OPRM1: variants seen among roughly 807,000 people sequenced by gnomAD.
OPRM1 encodes mu-type opioid receptor.
A neutral mutation model predicts 31.8 loss-of-function variants in OPRM1; 27 were observed. The ratio of observed to expected loss-of-function variants is 0.85; its 90% CI spans 0.63 to 1.17. The LOEUF is 1.17. OPRM1 is among the 50% of genes most tolerant of loss of function. The pLI is 0.00. For synonymous variants in OPRM1, 196 were observed against 189.9 expected (o/e 1.03, Z -0.26); for missense variants, 536 against 511.1 (o/e 1.05, Z -0.47).
chr6:154,090,219 C>A, intron 2 of OPRM1, 41 bp downstream of exon 2: 1 of 1,341,732 alleles, frequency 7.5e-7, no homozygotes, highest in Non-Finnish European at 1.1e-6. Flanking sequence ...GGGTTCACAG[C>A]CTGATATGTT....
chr6:154,188,277 G>A (rs1003546999), intron 3 of OPRM1, among the ~76,000 whole-genome samples: 2 of 152,084 alleles, frequency 1.3e-5, no homozygotes, highest in African/African-American at 2.4e-5. Flanking sequence ...GAAATATATA[G>A]AACTAAATCT....
intron 1 of OPRM1, among the ~76,000 whole-genome samples, chr6:154,055,967 A>G (rs565801256): frequency 6.6e-6 from 1 of 152,346 alleles, no homozygotes; most frequent in East Asian, 1.9e-4. Context: ...GAAATAACTT[A>G]TAACAATGGC....
chr6:154,078,536 A>G (rs992600980), intron 1 of OPRM1, among the ~76,000 whole-genome samples: 1 of 152,206 alleles, frequency 6.6e-6, no homozygotes, highest in Non-Finnish European at 1.5e-5. Context: ...AAAAAGGAAA[A>G]TGTTTTTAAT....
downstream of OPRM1, among the ~76,000 whole-genome samples, chr6:154,135,259 C>T (rs113718283): frequency 1.6e-4 from 25 of 152,102 alleles, no homozygotes; most frequent in Admixed American, 6.5e-4. Flanking sequence ...ACCTGAGGTC[C>T]GGAGTTCAAG....
chr6:154,052,961 G>C (rs934760002), intron 1 of OPRM1, among the ~76,000 whole-genome samples: 1 of 152,144 alleles, frequency 6.6e-6, no homozygotes, highest in Non-Finnish European at 1.5e-5. Context: ...AGAGCATATT[G>C]CTCTTCTGGA....
chr6:154,236,650 G>T lies in OPRM1; in HGVS notation c.1165-10043G>T, dbSNP rs75388870. Among the ~76,000 whole-genome samples, 767 of 152,310 alleles carry T rather than the reference G, an allele frequency of 5.0e-3. 11 individuals are homozygous for T. The highest frequency in any genetic ancestry group is 0.018 in the African/African-American group (731 of 41,564). On this transcript the variant is annotated intron_variant, in intron 3 of 3. Transcript: ENST00000337049. ...CCAAGGTAAGTTTTACAAGATTCAAGGTGTGAAAATATCAGTGGCTGACCT... is the reference window on the plus strand; with the variant it reads ...CCAAGGTAAGTTTTACAAGATTCAATGTGTGAAAATATCAGTGGCTGACCT...
At chr6:154,230,890 A>G (rs1009234722) in intron 3 of OPRM1, among the ~76,000 whole-genome samples, 2 of 152,206 alleles carry the variant, frequency 1.3e-5, no homozygotes, top group African/African-American at 4.8e-5. Flanking sequence ...AACAGCTAAA[A>G]AAATTTCTTT....
At chr6:154,167,919 C>T in intron 3 of OPRM1, 6 of 1,580,948 alleles carry the variant, frequency 3.8e-6, no homozygotes, top group Non-Finnish European at 4.3e-6. Context: ...AATTTTGTTA[C>T]CTTTAATGTG....
intron 3 of OPRM1, chr6:154,223,098 T>C (rs1186647867): frequency 8.5e-7 from 1 of 1,179,656 alleles, no homozygotes; most frequent in East Asian, 2.3e-5. Context: ...TAAATCACCA[T>C]ATCCCTTGGT....
chr6:154,053,505 T>A (rs1023439390), intron 1 of OPRM1, among the ~76,000 whole-genome samples: 1 of 152,272 alleles, frequency 6.6e-6, no homozygotes, highest in Non-Finnish European at 1.5e-5. Context: ...TGGAAAATGC[T>A]ATTACTTATT....
chr6:154,198,700 G>A (rs1776830398), intron 3 of OPRM1, among the ~76,000 whole-genome samples: 1 of 150,516 alleles, frequency 6.6e-6, no homozygotes, highest in Non-Finnish European at 1.5e-5. Flanking sequence ...GGCAAATTAC[G>A]CTGATACCAA....
rs548714699 is a variant in OPRM1 at position 154,110,874 on chromosome 6, G to A, written c.1165-7809G>A. 2.7e-4 allele frequency among the ~76,000 whole-genome samples: 29 copies of A among 105,870 alleles called. No individual in the cohort carries two copies. The Admixed American group carries it at 2.8e-3, about 10-fold the overall frequency. The allele number at this position is 105,870 out of a possible 152,430, so 69.5% of individuals were successfully genotyped here. ...TGCACTCCAGCCTGGGCGACAAAGC[G>A]AGACTCCGTCTCAAAAAAAAAAAAA... On this transcript the variant is annotated intron_variant, in intron 3 of 3. Transcript: ENST00000330432.
At chr6:154,091,977 A>G (rs1459597435) in intron 3 of OPRM1, 2 of 982,222 alleles carry the variant, frequency 2.0e-6, no homozygotes, top group Non-Finnish European at 2.4e-6. Flanking sequence ...GAAAAGATTA[A>G]AAAATGACCA....
At chr6:154,095,820 G>A (rs1793277228) in intron 3 of OPRM1, among the ~76,000 whole-genome samples, 1 of 152,094 alleles carries the variant, frequency 6.6e-6, no homozygotes, top group Non-Finnish European at 1.5e-5. Context: ...CTAAGGCATA[G>A]GCATTCATTT....
chr6:154,012,333 A>G (rs1777773382), intron 1 of OPRM1, among the ~76,000 whole-genome samples: 1 of 152,168 alleles, frequency 6.6e-6, no homozygotes, highest in South Asian at 2.1e-4. Context: ...GTAGCAGTAA[A>G]TGGATCATCA....
intron 3 of OPRM1, among the ~76,000 whole-genome samples, chr6:154,232,505 G>GAAC (rs771105446): frequency 1.3e-5 from 2 of 152,130 alleles, no homozygotes; most frequent in Non-Finnish European, 2.9e-5. Flanking sequence ...TATACCATGG[G>GAAC]AACCATCATG....
chr6:154,032,600 T>A (rs1031681124), intron 1 of OPRM1, among the ~76,000 whole-genome samples: 127 of 152,108 alleles, frequency 8.3e-4, no homozygotes, highest in African/African-American at 2.8e-3. Flanking sequence ...AACACTTGGA[T>A]AATTTTTTGT....
chr6:154,174,917 T>A (rs984348471), intron 3 of OPRM1, among the ~76,000 whole-genome samples: 1 of 152,110 alleles, frequency 6.6e-6, no homozygotes, highest in Non-Finnish European at 1.5e-5. Context: ...ACCAAATAAT[T>A]GGAAGTAAAA....
chr6:154,116,385 A>G (rs913365839), intron 3 of OPRM1, among the ~76,000 whole-genome samples: 1 of 152,166 alleles, frequency 6.6e-6, no homozygotes, highest in African/African-American at 2.4e-5. Context: ...CAAGAGCTCC[A>G]GACCAGCCTG....
Sources: gnomAD v4.1 joint callset for allele counts (sites outside exome capture counted in the v4.1 genomes callset) on GRCh38, gnomAD v4.1.1 for gene constraint, MANE v1.5 for transcripts, NCBI Gene and HGNC (gene_info 2026-07-23, HGNC 2026-07-21) for gene names.